The following TPM3 variants were observed in gnomAD, a reference collection of about 807,000 sequenced individuals.
TPM3 encodes tropomyosin 3, also known as tropomyosin alpha-3 chain.
TPM3 carries 16 observed loss-of-function variants against 43.1 expected under a neutral mutation model. The observed-to-expected ratio is 0.37, with a 90% CI of 0.25 to 0.56. The LOEUF is 0.56. TPM3 is among the 20% of genes least tolerant of loss of function. TPM3 has a pLI of 0.77. For missense variants in TPM3, 176 were observed against 337.2 expected, an observed-to-expected ratio of 0.52 and a Z score of 3.74; for synonymous variants, 101 against 116.9, an observed-to-expected ratio of 0.86 and a Z score of 0.88.
In TPM3 at chr1:154,167,418, C is replaced by T; in HGVS notation, c.*519G>A. 1.9e-6 allele frequency: 2 copies of T among 1,067,300 alleles called. No individual in the cohort carries two copies. The highest frequency in any genetic ancestry group is 2.3e-6 in the Non-Finnish European group (2 of 879,940). 66.1% of individuals were successfully genotyped at this position (1,067,300 alleles called of 1,614,324 possible). A position where few individuals can be genotyped will look rare whatever the true frequency, so the allele number is the denominator to read the frequency against. ...TCAATGGCTTCTCAATGACACCACACCAAAGGAGGAATACCTGAAGAGAGA... is the reference window on the plus strand; with the variant it reads ...TCAATGGCTTCTCAATGACACCACATCAAAGGAGGAATACCTGAAGAGAGA... On this transcript the variant is annotated 3_prime_UTR_variant, in exon 10 of 10. Coordinates refer to ENST00000651641, the MANE Select transcript of TPM3 (RefSeq NM_152263.4).
chr1:154,170,824 G>A (rs943509682), intron 6 of TPM3, 113 bp from the exon 7 acceptor site: 27 of 797,758 alleles, frequency 3.4e-5, no homozygotes, highest in Non-Finnish European at 5.7e-5. Flanking sequence ...TGTGCTGAAT[G>A]GTCCAAGAGT....
downstream of TPM3, among the ~76,000 whole-genome samples, chr1:154,158,102 A>G (rs1659992365): frequency 6.6e-6 from 1 of 152,220 alleles, no homozygotes; most frequent in Non-Finnish European, 1.5e-5. Context: ...AACATTGCAA[A>G]CAATAGAAAC....
chr1:154,189,607 A>G (rs1663585223), intron 2 of TPM3, among the ~76,000 whole-genome samples: 1 of 152,114 alleles, frequency 6.6e-6, no homozygotes, highest in Non-Finnish European at 1.5e-5. Context: ...AAGCCTGACC[A>G]ATATGATGAA....
At chr1:154,155,320 C>G (rs1347676925), downstream of TPM3, 3 of 446,140 alleles carry the variant, frequency 6.7e-6, no homozygotes, top group Non-Finnish European at 1.2e-5. Flanking sequence ...TAAAAAAAAC[C>G]CTTTAATTTC....
At chr1:154,158,746 C>T (rs552900155), downstream of TPM3, 1,082 of 537,958 alleles carry the variant, frequency 2.0e-3, 22 homozygotes, top group South Asian at 0.02. Context: ...TCTCTCAGGC[C>T]CCTCCCTTCT....
downstream of TPM3, chr1:154,155,623 T>TC (rs1360139239): frequency 1.7e-5 from 4 of 234,492 alleles, no homozygotes; most frequent in Non-Finnish European, 3.4e-5. Flanking sequence ...AAGCAAATAC[T>TC]CTTGAGAGCA....
chr1:154,173,993 A>C (rs1227199789), intron 3 of TPM3, among the ~76,000 whole-genome samples: 3 of 151,970 alleles, frequency 2.0e-5, no homozygotes, highest in Non-Finnish European at 4.4e-5. Context: ...CACCACCCCC[A>C]AAAAAACTTA....
At chr1:154,168,483 A>G (rs913120843) in intron 9 of TPM3, among the ~76,000 whole-genome samples, 1 of 152,158 alleles carries the variant, frequency 6.6e-6, no homozygotes, top group African/African-American at 2.4e-5. Context: ...TAAAAATTAC[A>G]AGTCAGTCAG....
rs904073697 is a variant in TPM3 at position 154,166,025 on chromosome 1, C to T, written c.*1912G>A. 7.9e-5 allele frequency among the ~76,000 whole-genome samples: 12 copies of T among 152,100 alleles called. No individual in the cohort carries two copies. Among genetic ancestry groups the T allele is most frequent in the Non-Finnish European group, 1.6e-4 (11 of 68,030 alleles). On this transcript the variant is annotated 3_prime_UTR_variant, in exon 10 of 10. Transcript: ENST00000651641. ...AACTTGAGAGTAGGAATGGTGCCTC[C>T]ATCTTTATTTCTGTCTCCATCTTAA... is the stretch of plus-strand genomic sequence containing the variant.
At chr1:154,161,785 C>T (rs1660400754), downstream of TPM3, among the ~76,000 whole-genome samples, 1 of 152,042 alleles carries the variant, frequency 6.6e-6, no homozygotes, top group African/African-American at 2.4e-5. Flanking sequence ...AATTCTTTTC[C>T]ATTTAGGGAA....
Position 154,166,182 on chromosome 1 carries a change from T to C in TPM3, c.*1755A>G. On this transcript the variant is annotated 3_prime_UTR_variant, in exon 10 of 10. Coordinates refer to ENST00000651641, the MANE Select transcript of TPM3 (RefSeq NM_152263.4). ...GTGAATTTGATATGACTTAAAGTTT[T>C]AGATTAAGGAAAACTTCCCTACCTG... is the stretch of plus-strand genomic sequence containing the variant. 1 of 227,858 alleles carries C rather than the reference T, an allele frequency of 4.4e-6. No homozygotes were observed. Among genetic ancestry groups the C allele is most frequent in the Non-Finnish European group, 8.7e-6 (1 of 114,740 alleles). The allele number at this position is 227,858 out of a possible 1,614,324, so 14.1% of individuals were successfully genotyped here.
intron 8 of TPM3, 69 bp from the exon 9 acceptor site, chr1:154,169,452 A>C: frequency 6.7e-7 from 1 of 1,497,750 alleles, no homozygotes; most frequent in Admixed American, 1.7e-5. Context: ...GCAGATGAAG[A>C]GAGGGAATCA....
At chr1:154,191,705 A>C in intron 1 of TPM3, 197 bp downstream of exon 1, 1 of 1,514,346 alleles carries the variant, frequency 6.6e-7, no homozygotes, top group Non-Finnish European at 8.8e-7. Context: ...ACTGTGGCTC[A>C]CTGACTTTCC....
chr1:154,163,403 C>T lies in TPM3; in HGVS notation c.*4534G>A, dbSNP rs1445039612. On this transcript the variant is annotated 3_prime_UTR_variant, in exon 10 of 10. Transcript: ENST00000651641. ...TATATAATCTTCCTACCAATACACTCTTTTGCCCCTGAAAATGACTCCTCC... is the reference window on the plus strand; with the variant it reads ...TATATAATCTTCCTACCAATACACTTTTTTGCCCCTGAAAATGACTCCTCC... 6.6e-6 allele frequency among the ~76,000 whole-genome samples: 1 copy of T among 152,154 alleles called. No individual in the cohort carries two copies. Among genetic ancestry groups the T allele is most frequent in the Non-Finnish European group, 1.5e-5 (1 of 68,028 alleles).
At chr1:154,174,368 GTATATATA>G (rs34224787) in intron 3 of TPM3, among the ~76,000 whole-genome samples, 680 of 46,380 alleles carry the variant, frequency 0.015, 37 homozygotes, top group Middle Eastern at 0.021. Flanking sequence ...AAATATATGT[GTATATATA>G]TATATATATA....
intron 2 of TPM3, among the ~76,000 whole-genome samples, chr1:154,180,157 G>A (rs564226536): frequency 1.3e-5 from 2 of 152,278 alleles, no homozygotes; most frequent in South Asian, 2.1e-4. Context: ...TTTCCAGGCC[G>A]AGAGCAGAAA....
At chr1:154,183,271 A>G in intron 2 of TPM3, 3 of 1,515,044 alleles carry the variant, frequency 2.0e-6, no homozygotes, top group Admixed American at 2.0e-5. Context: ...GCGCCCTCCC[A>G]CCGCCAGGCA....
At chr1:154,187,548 T>A in intron 2 of TPM3, 2 of 978,642 alleles carry the variant, frequency 2.0e-6, no homozygotes, top group Non-Finnish European at 2.4e-6. Flanking sequence ...TTCTTTCAAA[T>A]GAATATACTG....
At position 154,163,727 on chromosome 1, in the gene TPM3, G is replaced by A. The variant is rs562421705; in HGVS notation, c.*4210C>T. On this transcript the variant is annotated 3_prime_UTR_variant, in exon 10 of 10. Coordinates refer to ENST00000651641, the MANE Select transcript of TPM3 (RefSeq NM_152263.4). Reference sequence around the variant, plus strand: ...CAGCTCACTACAAGCTCCGCCTCCCGGGTTCACGCCATTCTCCTGCCTCAG... The same window carrying A: ...CAGCTCACTACAAGCTCCGCCTCCCAGGTTCACGCCATTCTCCTGCCTCAG... 6.6e-6 allele frequency among the ~76,000 whole-genome samples: 1 copy of A among 152,082 alleles called. No homozygotes were observed. The highest frequency in any genetic ancestry group is 6.5e-5 in the Admixed American group (1 of 15,270).
Sources: gnomAD v4.1 joint callset for allele counts (sites outside exome capture counted in the v4.1 genomes callset) on GRCh38, gnomAD v4.1.1 for gene constraint, MANE v1.5 for transcripts, NCBI Gene and HGNC (gene_info 2026-07-23, HGNC 2026-07-21) for gene names.